Variants in NCAM2 observed in about 807,000 individuals in gnomAD.
The protein encoded by NCAM2 is neural cell adhesion molecule 2, also known as N-CAM-2.
A neutral mutation model predicts 98.1 loss-of-function variants in NCAM2; 30 were observed. That is an observed-to-expected ratio of 0.31 (90% CI 0.23 to 0.41). NCAM2 has a LOEUF of 0.41. Among genes scored for constraint, NCAM2 ranks in the 10% least tolerant of loss-of-function variants. NCAM2 has a pLI of 1.00. For missense variants in NCAM2, 867 were observed against 1,005.8 expected (o/e 0.86, Z 1.87); for synonymous variants, 368 against 342.4 (o/e 1.07, Z -0.83).
At chr21:21,362,859 A>G (rs2075683981) in intron 8 of NCAM2, among the ~76,000 whole-genome samples, 1 of 152,122 alleles carries the variant, frequency 6.6e-6, no homozygotes, top group Non-Finnish European at 1.5e-5. Context: ...TTTAGATAAA[A>G]ACTAAGGATA....
At chr21:21,040,818 T>C (rs1601175963) in intron 1 of NCAM2, among the ~76,000 whole-genome samples, 1 of 152,196 alleles carries the variant, frequency 6.6e-6, no homozygotes, top group Non-Finnish European at 1.5e-5. Flanking sequence ...GGCTACAAAA[T>C]TACAGCTAGT....
At chr21:21,118,094 G>A (rs914912322) in intron 1 of NCAM2, among the ~76,000 whole-genome samples, 2 of 152,106 alleles carry the variant, frequency 1.3e-5, no homozygotes, top group Non-Finnish European at 2.9e-5. Flanking sequence ...CCTGTTAAAT[G>A]TTCACTTGCT....
At chr21:21,048,763 G>C (rs2065047098) in intron 1 of NCAM2, among the ~76,000 whole-genome samples, 1 of 152,166 alleles carries the variant, frequency 6.6e-6, no homozygotes, top group African/African-American at 2.4e-5. Flanking sequence ...CCTGAGGGCT[G>C]TGTCACAGGC....
chr21:21,390,471 GT>G (rs1300618065), intron 9 of NCAM2, among the ~76,000 whole-genome samples: 4 of 152,056 alleles, frequency 2.6e-5, no homozygotes, highest in African/African-American at 9.7e-5. Flanking sequence ...ACTGAAAGGG[GT>G]ACAAAGGCAG....
chr21:21,536,742 A>G (rs954663949), intron 17 of NCAM2, among the ~76,000 whole-genome samples: 6 of 152,138 alleles, frequency 3.9e-5, no homozygotes, highest in Non-Finnish European at 5.9e-5. Flanking sequence ...TATGTTGTTA[A>G]GGGAGAAAAA....
intron 1 of NCAM2, among the ~76,000 whole-genome samples, chr21:21,178,215 A>C (rs1047249745): frequency 2.0e-5 from 3 of 152,106 alleles, no homozygotes; most frequent in Non-Finnish European, 4.4e-5. Context: ...TGGATGAATT[A>C]ATTTATCTAT....
intron 1 of NCAM2, among the ~76,000 whole-genome samples, chr21:21,233,557 G>C (rs775808826): frequency 6.6e-6 from 1 of 151,476 alleles, no homozygotes; most frequent in Non-Finnish European, 1.5e-5. Context: ...AATTTATATT[G>C]TTTAGATAAA....
intron 15 of NCAM2, among the ~76,000 whole-genome samples, chr21:21,503,956 T>A (rs1441955019): frequency 6.6e-6 from 1 of 151,914 alleles, no homozygotes; most frequent in Non-Finnish European, 1.5e-5. Flanking sequence ...AGCAGAAATA[T>A]AAGTTAGATA....
intron 12 of NCAM2, among the ~76,000 whole-genome samples, chr21:21,461,375 C>T (rs1006552354): frequency 3.3e-5 from 5 of 151,748 alleles, no homozygotes; most frequent in South Asian, 4.2e-4. Context: ...TATAAAATCT[C>T]GCAGCAATTA....
intron 8 of NCAM2, among the ~76,000 whole-genome samples, chr21:21,350,946 AAAG>A (rs1568966207): frequency 8.0e-5 from 4 of 49,842 alleles, no homozygotes; most frequent in African/African-American, 2.7e-4. Context: ...AAAAAAAAAA[AAAG>A]GAGAGAAAAG....
At chr21:21,154,163 T>G (rs549307752) in intron 1 of NCAM2, among the ~76,000 whole-genome samples, 2 of 151,768 alleles carry the variant, frequency 1.3e-5, no homozygotes, top group Non-Finnish European at 2.9e-5. Context: ...TTAGATAACA[T>G]CATAAAGAAA....
chr21:21,176,366 C>A (rs904071871), intron 1 of NCAM2, among the ~76,000 whole-genome samples: 1 of 152,060 alleles, frequency 6.6e-6, no homozygotes, highest in African/African-American at 2.4e-5. Context: ...GTCATAGCAA[C>A]CATCTATATA....
At chr21:21,162,771 C>G (rs535959782) in intron 1 of NCAM2, among the ~76,000 whole-genome samples, 1 of 152,230 alleles carries the variant, frequency 6.6e-6, no homozygotes, top group Admixed American at 6.5e-5. Flanking sequence ...AAAAACCTGT[C>G]AGATTACCCA....
At chr21:21,386,244 G>T (rs542296994) in intron 9 of NCAM2, among the ~76,000 whole-genome samples, 9 of 152,214 alleles carry the variant, frequency 5.9e-5, no homozygotes, top group Non-Finnish European at 1.0e-4. Context: ...AATAAGATGT[G>T]AACATAATTT....
chr21:21,053,653 CCT>C (rs2065156897), intron 1 of NCAM2, among the ~76,000 whole-genome samples: 1 of 132,638 alleles, frequency 7.5e-6, no homozygotes, highest in South Asian at 2.3e-4. Context: ...TCATTTTTTC[CCT>C]CTCATTTTTT....
intron 16 of NCAM2, among the ~76,000 whole-genome samples, chr21:21,526,215 A>G (rs1989315143): frequency 1.3e-5 from 2 of 152,098 alleles, no homozygotes; most frequent in Admixed American, 1.3e-4. Flanking sequence ...ATGACATGAT[A>G]GTCTATGAAA....
intron 8 of NCAM2, among the ~76,000 whole-genome samples, chr21:21,349,891 T>C (rs1435305995): frequency 2.0e-5 from 3 of 152,044 alleles, no homozygotes; most frequent in Non-Finnish European, 4.4e-5. Context: ...CTCAAGGACA[T>C]AGATAATAGA....
chr21:21,062,296 G>A (rs923754896), intron 1 of NCAM2, among the ~76,000 whole-genome samples: 6 of 152,106 alleles, frequency 3.9e-5, no homozygotes, highest in South Asian at 4.1e-4. Flanking sequence ...TTTTGTAGTC[G>A]TTTTTATTTT....
chr21:21,139,156 G>C lies in NCAM2; in HGVS notation c.55+140538G>C, dbSNP rs538248522. Among the ~76,000 whole-genome samples the C allele has an allele frequency of 1.3e-5, 2 of 152,230 alleles. 1 individual carries two copies. Among genetic ancestry groups the C allele is most frequent in the South Asian group, 4.1e-4 (2 of 4,824 alleles). ...TCTTTATAAGAAAAAGGCAGAGGGG[G>C]ATTTGAGACAGACAGAAGTGAAGGA... On this transcript the variant is annotated intron_variant, in intron 1 of 17. Transcript: ENST00000400546.
Sources: allele counts gnomAD v4.1 joint callset (sites outside exome capture counted in the v4.1 genomes callset), GRCh38; gene constraint gnomAD v4.1.1; transcripts MANE v1.5; gene names NCBI Gene and HGNC (gene_info 2026-07-23, HGNC 2026-07-21).